The following VPS36 variants were observed in gnomAD, a reference collection of about 807,000 sequenced individuals.
VPS36 encodes the protein vacuolar protein sorting 36 homolog.
A neutral mutation model predicts 63.5 loss-of-function variants in VPS36; 31 were observed. The ratio of observed to expected loss-of-function variants is 0.49; its 90% CI spans 0.37 to 0.66. The LOEUF (loss-of-function observed/expected upper bound fraction) is 0.66, where lower values mean the gene tolerates loss of function less well. VPS36 is among the 30% of genes least tolerant of loss of function. The pLI is 0.00. For missense variants in VPS36, 338 were observed against 463.7 expected, an observed-to-expected ratio of 0.73 and a Z score of 2.49; for synonymous variants, 138 against 157.2, an observed-to-expected ratio of 0.88 and a Z score of 0.91.
Position 52,413,243 on chromosome 13 carries a change from A to G in VPS36, c.*2587T>C, listed in dbSNP as rs1228790353. 4 of 152,406 alleles carry G rather than the reference A, an allele frequency of 2.6e-5. No homozygotes were observed. The East Asian group carries it at 7.7e-4, about 29-fold the overall frequency. The allele number at this position is 152,406 out of a possible 1,614,324, so 9.4% of individuals were successfully genotyped here. On this transcript the variant is annotated 3_prime_UTR_variant, in exon 14 of 14. Transcript: ENST00000378060. ...CAGATTAATCTGGTAACAAGGAACAAGAAAGAGTACATTCATCTGAATATA... is the reference window on the plus strand; with the variant it reads ...CAGATTAATCTGGTAACAAGGAACAGGAAAGAGTACATTCATCTGAATATA...
rs1208096691 is a variant in VPS36, at chr13:52,426,050, G to T, written c.656C>A (p.Ser219Tyr). 1 of 1,613,760 alleles carries T rather than the reference G, an allele frequency of 6.2e-7. No individual in the cohort carries two copies. The highest frequency in any genetic ancestry group is 1.1e-5 in the South Asian group (1 of 90,974). ...ITEDETIRFK[S>Y]YLLSMGIANP... The stretch of plus-strand genomic sequence containing the variant: ...AGCTATTCCCATGCTCAGCAAGTAG[G>T]ATTTAAACCTGATGGTCTATAATAA... Residue 219 changes from serine to tyrosine, a missense_variant, in exon 9 of 14, where the codon TCC becomes TAC. Ser to Tyr is a moderately radical substitution (Grantham distance 144, BLOSUM62 -2). Transcript: ENST00000378060.
intron 6 of VPS36, among the ~76,000 whole-genome samples, chr13:52,428,345 G>C (rs1349229913): frequency 6.6e-6 from 1 of 152,162 alleles, no homozygotes; most frequent in African/African-American, 2.4e-5. Flanking sequence ...CAGTCCATAT[G>C]GTGGTCTGAA....
chr13:52,440,764 T>C (rs1329103120), intron 2 of VPS36, among the ~76,000 whole-genome samples: 1 of 152,180 alleles, frequency 6.6e-6, no homozygotes, highest in Non-Finnish European at 1.5e-5. Flanking sequence ...CCCAAAAAGA[T>C]TTATTTTCTG....
intron 4 of VPS36, among the ~76,000 whole-genome samples, chr13:52,435,498 A>G (rs1402241796): frequency 6.6e-6 from 1 of 152,220 alleles, no homozygotes; most frequent in Non-Finnish European, 1.5e-5. Flanking sequence ...AATCCTGTGT[A>G]TGTGGATTGT....
chr13:52,449,347 A>AAATT (rs1435750907), intron 1 of VPS36, among the ~76,000 whole-genome samples: 1 of 152,184 alleles, frequency 6.6e-6, no homozygotes, highest in Non-Finnish European at 1.5e-5. Flanking sequence ...CAAAATAAAT[A>AAATT]AATTAATTAA....
chr13:52,432,295 G>A (rs931179317), intron 6 of VPS36, among the ~76,000 whole-genome samples: 2 of 151,998 alleles, frequency 1.3e-5, no homozygotes, highest in Non-Finnish European at 2.9e-5. Flanking sequence ...AGCTTGCAGT[G>A]AGCCAGGATC....
intron 1 of VPS36, among the ~76,000 whole-genome samples, chr13:52,444,607 A>G (rs1958318688): frequency 6.7e-6 from 1 of 149,844 alleles, no homozygotes; most frequent in African/African-American, 2.4e-5. Context: ...AAGTAAATAA[A>G]TTGGAGCATT....
rs1958248403 is a variant in VPS36 at position 52,439,160 on chromosome 13, G to A, written c.174C>T (p.Cys58=). 2.5e-6 allele frequency: 4 copies of A among 1,613,650 alleles called. No homozygotes were observed. The highest frequency in any genetic ancestry group is 3.4e-6 in the Non-Finnish European group (4 of 1,179,834). ...CAATTTGGGAAAGGAGAATGGCCAT[G>A]CAACACTCCTAGGAGGAAATCAATA... ...IWRDQKNHEC[C]MAILLSQIVF... The change falls in exon 3 of 14, where the codon TGC becomes TGT. Residue 58 remains cysteine (C), a synonymous_variant. Transcript: ENST00000378060.
At chr13:52,427,287 A>C in intron 6 of VPS36, 68 bp from the exon 7 acceptor site, 1 of 1,540,910 alleles carries the variant, frequency 6.5e-7, no homozygotes, top group Non-Finnish European at 8.9e-7. Context: ...AAAATGAAGC[A>C]CCCTCTATTT....
At chr13:52,428,172 A>G (rs1375456258) in intron 6 of VPS36, among the ~76,000 whole-genome samples, 1 of 152,342 alleles carries the variant, frequency 6.6e-6, no homozygotes, top group Non-Finnish European at 1.5e-5. Flanking sequence ...TTAATTTGCT[A>G]CAGCAAAAAA....
In VPS36 at chr13:52,421,924, G is replaced by C. The variant is rs117611727; in HGVS notation, c.840+1650C>G. ...ATAAAATGTGTAATGATCAAGTCAG[G>C]GTTATTTGGGGGTACCTATTACCTG... is the stretch of plus-strand genomic sequence containing the variant. On this transcript the variant is annotated intron_variant, in intron 10 of 13. Coordinates refer to ENST00000378060, the MANE Select transcript of VPS36 (RefSeq NM_016075.4). 5.5e-4 allele frequency among the ~76,000 whole-genome samples: 84 copies of C among 152,094 alleles called. No homozygotes were observed. The East Asian group carries it at 0.015, about 28-fold the overall frequency.
intron 9 of VPS36, among the ~76,000 whole-genome samples, chr13:52,425,041 A>T (rs1958086333): frequency 6.6e-6 from 1 of 151,518 alleles, no homozygotes; most frequent in Non-Finnish European, 1.5e-5. Context: ...CGGGCGGATC[A>T]TGAGGTCAGG....
In VPS36 at chr13:52,450,554, T is replaced by C. The variant is rs745439453; in HGVS notation, c.41A>G (p.Asn14Ser). The C allele has an allele frequency of 2.5e-6, 4 of 1,594,818 alleles. No homozygotes were observed. Among genetic ancestry groups the C allele is most frequent in the East Asian group, 4.7e-5 (2 of 42,858 alleles). Reference protein sequence around the residue: ...FVWTSGLLEINETLVIQQRGV... With the variant: ...FVWTSGLLEISETLVIQQRGV... Reference sequence around the variant, plus strand: ...GCGCTGCTGGATCACCAGGGTCTCGTTGATCTCCAGGAGGCCGCTGGTCCA... The same window carrying C: ...GCGCTGCTGGATCACCAGGGTCTCGCTGATCTCCAGGAGGCCGCTGGTCCA... Residue 14 changes from asparagine to serine, a missense_variant, in exon 1 of 14, where the codon AAC becomes AGC. Asn to Ser is a conservative substitution (Grantham distance 46, BLOSUM62 1). Transcript: ENST00000378060.
rs138385891 is a variant in VPS36, at chr13:52,436,644, G to GATTAA, written c.237-241_237-240insTTAAT. On this transcript the variant is annotated intron_variant, in intron 3 of 13. Coordinates refer to ENST00000378060, the MANE Select transcript of VPS36 (RefSeq NM_016075.4). ...AAAGCTTCAAGTTACTAGCTCTGTAGATTAGAGTGTGACTTTAGAAAATAA... is the reference window on the plus strand; with the variant it reads ...AAAGCTTCAAGTTACTAGCTCTGTAGATTAAATTAGAGTGTGACTTTAGAAAATAA... Among the ~76,000 whole-genome samples the GATTAA allele has an allele frequency of 7.3e-3, 1,116 of 152,248 alleles. 4 individuals carry two copies. Among genetic ancestry groups the GATTAA allele is most frequent in the African/African-American group, 0.017 (694 of 41,528 alleles).
chr13:52,433,865 A>G, intron 5 of VPS36, 117 bp from the exon 6 acceptor site: 1 of 767,828 alleles, frequency 1.3e-6, no homozygotes, highest in Non-Finnish European at 2.1e-6. Context: ...GAACCAAAGA[A>G]AAACAGCATA....
intron 2 of VPS36, among the ~76,000 whole-genome samples, chr13:52,439,801 ATTT>A (rs1196090229): frequency 6.6e-6 from 1 of 152,034 alleles, no homozygotes; most frequent in East Asian, 1.9e-4. Flanking sequence ...TACTCGTAAT[ATTT>A]TCTTACACTG....
At chr13:52,422,963 T>C (rs1158224098) in intron 10 of VPS36, among the ~76,000 whole-genome samples, 1 of 152,128 alleles carries the variant, frequency 6.6e-6, no homozygotes, top group Non-Finnish European at 1.5e-5. Flanking sequence ...GCTGTTCTGG[T>C]GATAGCGAAT....
chr13:52,425,513 G>C (rs1958093857), intron 9 of VPS36, among the ~76,000 whole-genome samples: 1 of 152,056 alleles, frequency 6.6e-6, no homozygotes, highest in Non-Finnish European at 1.5e-5. Context: ...ATTTGGCATA[G>C]GTTTGAAATC....
intron 6 of VPS36, 54 bp from the exon 7 acceptor site, chr13:52,427,273 TA>T: frequency 1.3e-6 from 2 of 1,580,082 alleles, no homozygotes; most frequent in Non-Finnish European, 1.7e-6. Context: ...TAAAATGACT[TA>T]AAAAAATGAA....
Sources: gnomAD v4.1 joint callset for allele counts (sites outside exome capture counted in the v4.1 genomes callset) on GRCh38, gnomAD v4.1.1 for gene constraint, MANE v1.5 for transcripts, NCBI Gene and HGNC (gene_info 2026-07-23, HGNC 2026-07-21) for gene names.